Variants in HSPG2 observed in about 807,000 individuals in gnomAD.
The protein encoded by HSPG2 is basement membrane-specific heparan sulfate proteoglycan core protein.
HSPG2 carries 278 observed loss-of-function variants against 526.6 expected under a neutral mutation model. The ratio of observed to expected loss-of-function variants is 0.53; its 90% CI spans 0.48 to 0.58. The LOEUF (loss-of-function observed/expected upper bound fraction) is 0.58, where lower values mean the gene tolerates loss of function less well. Ranked by LOEUF, HSPG2 falls within the 20% of genes least tolerant of loss-of-function variation. The pLI is 0.00. For synonymous variants in HSPG2, 2,465 were observed against 2,555.4 expected, an observed-to-expected ratio of 0.96 and a Z score of 1.07; for missense variants, 5,354 against 6,099.5, an observed-to-expected ratio of 0.88 and a Z score of 4.07.
At chr1:21,897,326 T>C (rs943663413) in intron 1 of HSPG2, among the ~76,000 whole-genome samples, 1 of 152,222 alleles carries the variant, frequency 6.6e-6, no homozygotes, top group Non-Finnish European at 1.5e-5. Context: ...TGCCCTGGCC[T>C]TAAGCCAGAA....
Position 21,887,993 on chromosome 1 carries a change from C to T in HSPG2, c.648G>A (p.Glu216=). Reference sequence around the variant, plus strand: ...AGTCGGGCCGCCGGTCACAGCGATACTCCAGGGCCACACACTCATTGTAGC... The same window carrying T: ...AGTCGGGCCGCCGGTCACAGCGATATTCCAGGGCCACACACTCATTGTAGC... ...CHSYNECVAL[E]YRCDRRPDCR... The change falls in exon 7 of 97, where the codon GAG becomes GAA. Residue 216 remains glutamate (E), a synonymous_variant. Transcript: ENST00000374695. This position sits in a 1 kb window ranked among gnomAD's most constrained non-coding sequence, Gnocchi z 5.0. 10 of 1,614,200 alleles carry T rather than the reference C, an allele frequency of 6.2e-6. No individual in the cohort carries two copies. The highest frequency in any genetic ancestry group is 8.5e-6 in the Non-Finnish European group (10 of 1,180,040).
chr1:21,885,920 A>C (rs1161851046), intron 9 of HSPG2, among the ~76,000 whole-genome samples: 2 of 152,172 alleles, frequency 1.3e-5, no homozygotes, highest in Non-Finnish European at 2.9e-5. Context: ...CCCTCTATGG[A>C]GTGGCCAGAG....
At chr1:21,833,111 G>C (rs1456525624) in intron 80 of HSPG2, 157 bp downstream of exon 80, 5 of 710,416 alleles carry the variant, frequency 7.0e-6, no homozygotes, top group Non-Finnish European at 1.3e-5. Context: ...AGGCACACCA[G>C]GGTGGAGGCC....
intron 33 of HSPG2, among the ~76,000 whole-genome samples, chr1:21,871,417 C>T (rs1243839120): frequency 2.0e-5 from 3 of 152,170 alleles, no homozygotes; most frequent in South Asian, 2.1e-4. Flanking sequence ...TGCACCAACA[C>T]GCCCAGCTAA....
chr1:21,856,017 G>A (rs963498893), intron 44 of HSPG2, 105 bp from the exon 45 acceptor site: 47 of 1,480,350 alleles, frequency 3.2e-5, no homozygotes, highest in Admixed American at 1.7e-4. Context: ...AGCCCTCCAC[G>A]GCCATCTGTG....
At chr1:21,835,749 T>C in intron 75 of HSPG2, 112 bp from the exon 76 acceptor site, 2 of 749,836 alleles carry the variant, frequency 2.7e-6, no homozygotes, top group South Asian at 1.5e-5. Context: ...TTTGGGAGGC[T>C]GAGGCAGGCG....
At position 21,839,302 on chromosome 1, in the gene HSPG2, G is replaced by A. The variant is rs2098039241; in HGVS notation, c.9889+69C>T. The A allele has an allele frequency of 2.6e-6, 4 of 1,563,316 alleles. No homozygotes were observed. The East Asian group carries it at 6.7e-5, about 26-fold the overall frequency. On this transcript the variant is annotated intron_variant, in intron 73 of 96. Coordinates refer to ENST00000374695, the MANE Select transcript of HSPG2 (RefSeq NM_005529.7). The surrounding 1 kb of genome is among the most constrained non-coding windows in gnomAD (Gnocchi z 4.5). ...CTGGATGGGGTTCCTGGGGTTCTGT[G>A]TGGGGTGGAGCCTAGTCGGGGGGCT...
chr1:21,902,383 A>G (rs2152779168), intron 1 of HSPG2, among the ~76,000 whole-genome samples: 1 of 152,300 alleles, frequency 6.6e-6, no homozygotes, highest in East Asian at 1.9e-4. Context: ...TCCAACACGC[A>G]TCCAGGGCTT....
rs144546505 is a variant in HSPG2 at position 21,864,898 on chromosome 1, G to A, written c.4571C>T (p.Ala1524Val). Residue 1524 changes from alanine to valine, a missense_variant, in exon 36 of 97, where the codon GCC becomes GTC. By Grantham distance (64) the Ala-to-Val change is moderately conservative. Coordinates refer to ENST00000374695, the MANE Select transcript of HSPG2 (RefSeq NM_005529.7). The surrounding 1 kb of genome is among the most constrained non-coding windows in gnomAD (Gnocchi z 4.8). The part of the protein sequence containing the change: ...AQPGPSNRPR[A>V]LEVEECRCPP... ...GCAGCGGCACTCCTCCACCTCGAGGGCGCGGGGTCTGTTTGAGGGCCCCGG... is the reference window on the plus strand; with the variant it reads ...GCAGCGGCACTCCTCCACCTCGAGGACGCGGGGTCTGTTTGAGGGCCCCGG... 3.0e-5 allele frequency: 48 copies of A among 1,610,336 alleles called. No homozygotes were observed. The African/African-American group carries it at 6.0e-4, about 20-fold the overall frequency.
In HSPG2 at chr1:21,874,355, G is replaced by T. The variant is rs536587125; in HGVS notation, c.3656+51C>A. 1.9e-6 allele frequency: 3 copies of T among 1,606,952 alleles called. No homozygotes were observed. In the African/African-American group the frequency reaches 4.0e-5, roughly 21 times the overall value. On this transcript the variant is annotated intron_variant, in intron 28 of 96. Coordinates refer to ENST00000374695, the MANE Select transcript of HSPG2 (RefSeq NM_005529.7). ...CCCTGGATGAAGCGGGTGTGGGAGC[G>T]GGTGGTAGACATTTCAGGGAAGGGC...
Position 21,832,592 on chromosome 1 carries a change from T to G in HSPG2, c.11110A>C (p.Asn3704His). The G allele has an allele frequency of 1.9e-6, 3 of 1,614,064 alleles. No homozygotes were observed. The East Asian group carries it at 6.7e-5, about 36-fold the overall frequency. The part of the protein sequence containing the change: ...PDSADGMLLY[N>H]GQKRVPGSPT... ...CTCCCTGGGACTCGCTTCTGCCCAT[T>G]GTACAGCAGCATCCCTGGGTGGGCA... The change falls in exon 81 of 97, where the codon AAT becomes CAT. Residue 3704 changes from asparagine (N) to histidine (H), a missense_variant. Coordinates refer to ENST00000374695, the MANE Select transcript of HSPG2 (RefSeq NM_005529.7).
Position 21,865,032 on chromosome 1 carries a change from C to G in HSPG2, c.4437G>C (p.Glu1479Asp). The G allele has an allele frequency of 6.4e-7, 1 of 1,573,638 alleles. No homozygotes were observed. Among genetic ancestry groups the G allele is most frequent in the Non-Finnish European group, 8.6e-7 (1 of 1,162,302 alleles). The stretch of plus-strand genomic sequence containing the variant: ...GGTCGGCCAGTGCCATCAGGAGGTG[C>G]TCGCGTGTGGCCGGCTGCCCATCGG... ...RRPDGQPATR[E>D]HLLMALADLD... Residue 1479 changes from glutamate (E) to aspartate (D), a missense_variant, in exon 36 of 97, where the codon GAG (glutamate) becomes GAC (aspartate). Glu to Asp is a conservative substitution (Grantham distance 45, BLOSUM62 2). Coordinates refer to ENST00000374695, the MANE Select transcript of HSPG2 (RefSeq NM_005529.7). The surrounding 1 kb of genome is among the most constrained non-coding windows in gnomAD (Gnocchi z 5.4).
intron 1 of HSPG2, among the ~76,000 whole-genome samples, chr1:21,923,911 G>C (rs1187752437): frequency 6.6e-6 from 1 of 152,184 alleles, no homozygotes; most frequent in Non-Finnish European, 1.5e-5. Context: ...AAGTTCAATG[G>C]CTTGGGATCA....
rs1417581670 is a variant in HSPG2, at chr1:21,823,192, G to A, written c.*124C>T. 2.1e-5 allele frequency: 20 copies of A among 952,740 alleles called. No individual in the cohort carries two copies. The highest frequency in any genetic ancestry group is 8.3e-5 in the African/African-American group (5 of 60,056). The allele number at this position is 952,740 out of a possible 1,614,324, so 59.0% of individuals were successfully genotyped here. ...GCCCACCTCCAGTCCAGCCCAGGGCGGTAGCAGCAAAGCGTGGCATCGCCT... is the reference window on the plus strand; with the variant it reads ...GCCCACCTCCAGTCCAGCCCAGGGCAGTAGCAGCAAAGCGTGGCATCGCCT... On this transcript the variant is annotated 3_prime_UTR_variant, in exon 97 of 97. Coordinates refer to ENST00000374695, the MANE Select transcript of HSPG2 (RefSeq NM_005529.7).
chr1:21,865,029 G>A lies in HSPG2; in HGVS notation c.4440C>T (p.His1480=). Residue 1480 remains histidine, a synonymous_variant, in exon 36 of 97, where the codon CAC becomes CAT. Transcript: ENST00000374695. The surrounding 1 kb of genome is among the most constrained non-coding windows in gnomAD (Gnocchi z 5.4). The part of the protein sequence containing the change: ...RPDGQPATRE[H]LLMALADLDE... The stretch of plus-strand genomic sequence containing the variant: ...CCAGGTCGGCCAGTGCCATCAGGAG[G>A]TGCTCGCGTGTGGCCGGCTGCCCAT... 1.9e-6 allele frequency: 3 copies of A among 1,573,434 alleles called. No homozygotes were observed. Among genetic ancestry groups the A allele is most frequent in the Non-Finnish European group, 2.6e-6 (3 of 1,162,198 alleles).
rs548357768 is a variant in HSPG2 at position 21,870,378 on chromosome 1, C to T, written c.4221+1808G>A. 1.5e-5 allele frequency: 12 copies of T among 778,672 alleles called. No individual in the cohort carries two copies. In the East Asian group the frequency reaches 3.8e-4, roughly 25 times the overall value. The allele number at this position is 778,672 out of a possible 1,614,324, so 48.2% of individuals were successfully genotyped here. A position where few individuals can be genotyped will look rare whatever the true frequency, so the allele number is the denominator to read the frequency against. ...AAAGTCCTGGAGCTAGAGCCATGGG[C>T]AGGGTCCTCTACCCACGGACATGGT... On this transcript the variant is annotated intron_variant, in intron 33 of 96. Transcript: ENST00000374695.
intron 39 of HSPG2, among the ~76,000 whole-genome samples, chr1:21,860,648 C>A (rs1263759629): frequency 6.6e-6 from 1 of 152,122 alleles, no homozygotes; most frequent in Admixed American, 6.5e-5. Flanking sequence ...TGCGCCACCA[C>A]ACCCAGCTAA....
chr1:21,857,136 G>C lies in HSPG2; in HGVS notation c.5454C>G (p.Ala1818=). ...TGGTCAGGATGCCATTGAAATCCAT[G>C]GCTCGGGTGGGCAGTTTCCCGTTGT... is the stretch of plus-strand genomic sequence containing the variant. The part of the protein sequence containing the change: ...RLHNGKLPTR[A]MDFNGILTIR... Residue 1818 remains alanine (A), a synonymous_variant, in exon 44 of 97, where the codon GCC becomes GCG. Transcript: ENST00000374695. 3 of 1,614,158 alleles carry C rather than the reference G, an allele frequency of 1.9e-6. No homozygotes were observed. The highest frequency in any genetic ancestry group is 2.5e-6 in the Non-Finnish European group (3 of 1,180,030).
intron 6 of HSPG2, 167 bp downstream of exon 6, chr1:21,889,814 G>A (rs1301496290): frequency 1.4e-6 from 1 of 725,622 alleles, no homozygotes; most frequent in Admixed American, 2.1e-5. Context: ...AACAGTCTGT[G>A]CTCTACCAAG....
Sources: gnomAD v4.1 joint callset for allele counts (sites outside exome capture counted in the v4.1 genomes callset) on GRCh38, gnomAD v4.1.1 for gene constraint, Gnocchi (gnomAD v3.1) non-coding constraint, MANE v1.5 for transcripts, NCBI Gene and HGNC (gene_info 2026-07-23, HGNC 2026-07-21) for gene names.